Variants in CSMD1 observed in about 807,000 individuals in gnomAD.
The protein encoded by CSMD1 is CUB and sushi domain-containing protein 1.
CSMD1 carries 213 observed loss-of-function variants against 417.5 expected under a neutral mutation model. That is an observed-to-expected ratio of 0.51 (90% confidence interval 0.46 to 0.57). The LOEUF is 0.57. CSMD1 is among the 20% of genes least tolerant of loss of function. The pLI, the probability that CSMD1 is intolerant of heterozygous loss-of-function variation, is 0.00. For missense variants in CSMD1, 6,923 were observed against 4,529.7 expected (o/e 1.53, Z -15.17); for synonymous variants, 2,862 against 1,736.8 (o/e 1.65, Z -16.11).
intron 1 of CSMD1, among the ~76,000 whole-genome samples, chr8:4,774,124 C>T (rs1402405947): frequency 1.3e-5 from 2 of 152,136 alleles, no homozygotes; most frequent in East Asian, 3.9e-4. Context: ...CACTTGAACC[C>T]AGGAGGTGGA....
At chr8:2,981,737 G>A (rs1361811283) in intron 54 of CSMD1, among the ~76,000 whole-genome samples, 5 of 152,170 alleles carry the variant, frequency 3.3e-5, no homozygotes, top group Admixed American at 6.5e-5. Flanking sequence ...GTTCTGTGGC[G>A]AAAGCTGGGT....
intron 26 of CSMD1, among the ~76,000 whole-genome samples, chr8:3,252,234 C>T (rs930472988): frequency 3.3e-5 from 5 of 152,098 alleles, no homozygotes; most frequent in Admixed American, 1.3e-4. Flanking sequence ...GAAATACGTC[C>T]CATCAATACC....
At chr8:3,307,545 G>C (rs1377625738) in intron 25 of CSMD1, 150 bp downstream of exon 25, 2 of 869,328 alleles carry the variant, frequency 2.3e-6, no homozygotes, top group Non-Finnish European at 3.5e-6. Flanking sequence ...GTAAGCAAGT[G>C]AGCCAACAAA....
At chr8:3,650,929 G>A (rs140982404) in intron 7 of CSMD1, among the ~76,000 whole-genome samples, 32 of 152,080 alleles carry the variant, frequency 2.1e-4, no homozygotes, top group African/African-American at 7.7e-4. Context: ...CTCCGACTCC[G>A]ATCTTGCAAG....
At position 4,162,834 on chromosome 8, in the gene CSMD1, G is replaced by T. The variant is rs183793717; in HGVS notation, c.416-130735C>A. On this transcript the variant is annotated intron_variant, in intron 3 of 69. Transcript: ENST00000635120. ...GGTGTGGATAAATATATAATGCTAT[G>T]TGTTCACCATTGCAGTATCACACTG... Among the ~76,000 whole-genome samples, 7 of 152,268 alleles carry T rather than the reference G, an allele frequency of 4.6e-5. No individual in the cohort carries two copies. In the South Asian group the frequency reaches 1.2e-3, roughly 27 times the overall value.
At chr8:4,396,482 G>T (rs1380489462) in intron 3 of CSMD1, among the ~76,000 whole-genome samples, 1 of 152,000 alleles carries the variant, frequency 6.6e-6, no homozygotes, top group Non-Finnish European at 1.5e-5. Flanking sequence ...TCTGCAATGG[G>T]AATTGCACTG....
At chr8:4,964,402 C>A (rs1809710158) in intron 1 of CSMD1, among the ~76,000 whole-genome samples, 1 of 148,394 alleles carries the variant, frequency 6.7e-6, no homozygotes, top group African/African-American at 2.5e-5. Context: ...ACCTGTAGTC[C>A]CAGCTACCTG....
chr8:4,276,433 A>G (rs1230603535), intron 3 of CSMD1, among the ~76,000 whole-genome samples: 1 of 152,264 alleles, frequency 6.6e-6, no homozygotes, highest in South Asian at 2.1e-4. Flanking sequence ...ATGAGGACTC[A>G]TGGACGCTTG....
At chr8:3,202,597 C>T (rs1459048592) in intron 31 of CSMD1, among the ~76,000 whole-genome samples, 2 of 152,150 alleles carry the variant, frequency 1.3e-5, no homozygotes, top group African/African-American at 4.8e-5. Context: ...ACAACTAATT[C>T]TTTTCTTATT....
At chr8:3,229,082 C>A (rs951253511) in intron 27 of CSMD1, among the ~76,000 whole-genome samples, 1 of 152,048 alleles carries the variant, frequency 6.6e-6, no homozygotes, top group African/African-American at 2.4e-5. Flanking sequence ...TAAGTAGGAG[C>A]GCCGTATCAC....
intron 30 of CSMD1, among the ~76,000 whole-genome samples, chr8:3,211,479 C>T (rs760660769): frequency 2.0e-5 from 3 of 152,140 alleles, no homozygotes; most frequent in African/African-American, 7.2e-5. Context: ...GATTGGATGT[C>T]AGATCAAAAG....
chr8:4,010,160 A>G (rs756942859), intron 4 of CSMD1, among the ~76,000 whole-genome samples: 2 of 152,090 alleles, frequency 1.3e-5, no homozygotes, highest in South Asian at 2.1e-4. Flanking sequence ...TCAGTAGCCA[A>G]TGTTTTACAT....
intron 1 of CSMD1, among the ~76,000 whole-genome samples, chr8:4,651,142 T>C (rs976560841): frequency 6.6e-6 from 1 of 152,168 alleles, no homozygotes; most frequent in Non-Finnish European, 1.5e-5. Context: ...AAATGAGTAC[T>C]ATAGTTTCAA....
At chr8:2,974,063 G>A (rs62487750) in intron 56 of CSMD1, among the ~76,000 whole-genome samples, 976 of 82,750 alleles carry the variant, frequency 0.012, no homozygotes, top group Middle Eastern at 0.025. Context: ...GTAGAGGATG[G>A]TGGTAGAGGA....
chr8:4,300,549 T>C (rs1263916363), intron 3 of CSMD1, among the ~76,000 whole-genome samples: 1 of 152,136 alleles, frequency 6.6e-6, no homozygotes, highest in East Asian at 1.9e-4. Flanking sequence ...TTATTATTAT[T>C]ATGCTTTAAG....
At chr8:4,159,479 C>T (rs998651012) in intron 3 of CSMD1, among the ~76,000 whole-genome samples, 3 of 152,120 alleles carry the variant, frequency 2.0e-5, no homozygotes, top group Non-Finnish European at 2.9e-5. Flanking sequence ...ATGTATCCAT[C>T]AATCAACGAG....
chr8:3,982,071 T>A (rs1813913666), intron 5 of CSMD1, among the ~76,000 whole-genome samples: 1 of 151,656 alleles, frequency 6.6e-6, no homozygotes, highest in Non-Finnish European at 1.5e-5. Context: ...CGCAGGAGAA[T>A]GGGGTGAACC....
At chr8:3,300,974 A>G (rs796981825) in intron 25 of CSMD1, among the ~76,000 whole-genome samples, 1 of 149,474 alleles carries the variant, frequency 6.7e-6, no homozygotes, top group Admixed American at 6.7e-5. Flanking sequence ...AAAAAAAAAA[A>G]AAAAAAAGAG....
chr8:3,293,626 T>C (rs555616409), intron 25 of CSMD1, among the ~76,000 whole-genome samples: 2 of 152,376 alleles, frequency 1.3e-5, no homozygotes, highest in Admixed American at 6.5e-5. Context: ...TATTGGCTAC[T>C]GAGGCTTGTG....
Sources: allele counts gnomAD v4.1 joint callset (sites outside exome capture counted in the v4.1 genomes callset), GRCh38; gene constraint gnomAD v4.1.1; transcripts MANE v1.5; gene names NCBI Gene and HGNC (gene_info 2026-07-23, HGNC 2026-07-21).